TMTC2: variants seen among roughly 807,000 people sequenced by gnomAD.
The protein encoded by TMTC2 is protein O-mannosyl-transferase TMTC2.
In TMTC2, 43 loss-of-function variants were observed where a neutral mutation model predicts 82.4. The observed-to-expected ratio is 0.52, with a 90% CI of 0.41 to 0.67. TMTC2 has a LOEUF of 0.67. Among genes scored for constraint, TMTC2 ranks in the 30% least tolerant of loss-of-function variants. The pLI, the probability that TMTC2 is intolerant of heterozygous loss-of-function variation, is 0.00. For synonymous variants in TMTC2, 408 were observed against 381.9 expected, an observed-to-expected ratio of 1.07 and a Z score of -0.80; for missense variants, 919 against 1,012.4, an observed-to-expected ratio of 0.91 and a Z score of 1.25.
chr12:82,889,002 T>C (rs1873251848), intron 2 of TMTC2, among the ~76,000 whole-genome samples: 1 of 152,014 alleles, frequency 6.6e-6, no homozygotes, highest in Non-Finnish European at 1.5e-5. Flanking sequence ...GAACTGGCCA[T>C]GCACGGTGGC....
At chr12:82,797,763 C>A (rs926501450) in intron 1 of TMTC2, among the ~76,000 whole-genome samples, 2 of 151,820 alleles carry the variant, frequency 1.3e-5, no homozygotes, top group African/African-American at 4.8e-5. Context: ...GTAGACAGAA[C>A]CAGGACAGTA....
chr12:82,732,497 C>G (rs535567912), intron 1 of TMTC2, among the ~76,000 whole-genome samples: 1 of 152,242 alleles, frequency 6.6e-6, no homozygotes, highest in Non-Finnish European at 1.5e-5. Flanking sequence ...CACCCGCCAC[C>G]ACGCTTGGCT....
chr12:82,865,287 A>C (rs562570498), intron 2 of TMTC2, among the ~76,000 whole-genome samples: 2 of 152,248 alleles, frequency 1.3e-5, no homozygotes, highest in South Asian at 4.2e-4. Context: ...AGAGACACAC[A>C]TAGGCTCAGA....
chr12:82,935,680 G>A (rs1038317163), intron 4 of TMTC2, among the ~76,000 whole-genome samples: 1 of 152,072 alleles, frequency 6.6e-6, no homozygotes, highest in Admixed American at 6.5e-5. Flanking sequence ...TAATTCAATA[G>A]AGCATTAAAT....
intron 1 of TMTC2, among the ~76,000 whole-genome samples, chr12:82,821,730 C>G (rs868682673): frequency 1.3e-5 from 2 of 151,738 alleles, no homozygotes; most frequent in Admixed American, 6.6e-5. Context: ...AAAAATTAGC[C>G]GGGCACGGTA....
At chr12:83,002,782 A>ATTT (rs35975291) in intron 8 of TMTC2, among the ~76,000 whole-genome samples, 1 of 148,056 alleles carries the variant, frequency 6.8e-6, no homozygotes, top group African/African-American at 2.5e-5. Context: ...TAAGATTTTG[A>ATTT]TTTTTTTTTT....
chr12:82,841,798 G>A (rs970162103), intron 1 of TMTC2, among the ~76,000 whole-genome samples: 1 of 152,172 alleles, frequency 6.6e-6, no homozygotes, highest in Admixed American at 6.5e-5. Flanking sequence ...GAAATTATAG[G>A]TTAGCGTTTG....
At chr12:82,946,622 A>G (rs768505599) in intron 4 of TMTC2, among the ~76,000 whole-genome samples, 29 of 152,200 alleles carry the variant, frequency 1.9e-4, no homozygotes, top group Non-Finnish European at 5.9e-5. Flanking sequence ...CTATTCTGAT[A>G]ATAAGGAGGA....
chr12:83,108,104 C>T (rs1182988375), intron 11 of TMTC2, among the ~76,000 whole-genome samples: 1 of 152,106 alleles, frequency 6.6e-6, no homozygotes, highest in African/African-American at 2.4e-5. Context: ...CCCAGCCGTG[C>T]TTTTTATACA....
At chr12:82,794,224 G>A (rs572082322) in intron 1 of TMTC2, among the ~76,000 whole-genome samples, 17 of 152,114 alleles carry the variant, frequency 1.1e-4, no homozygotes, top group African/African-American at 3.9e-4. Flanking sequence ...CTCCTGGGGC[G>A]CCCTCCTCTC....
At chr12:83,005,360 T>G (rs1186836571) in intron 8 of TMTC2, among the ~76,000 whole-genome samples, 1 of 147,150 alleles carries the variant, frequency 6.8e-6, no homozygotes, top group Non-Finnish European at 1.5e-5. Context: ...GAGTAATGGC[T>G]GGCCGATTGG....
chr12:82,780,767 T>C (rs1191777814), intron 1 of TMTC2, among the ~76,000 whole-genome samples: 1 of 111,280 alleles, frequency 9.0e-6, no homozygotes, highest in Non-Finnish European at 1.9e-5. Context: ...AAAATGTCAA[T>C]TGTGTATTTA....
rs186440885 is a variant in TMTC2, at chr12:82,933,587, A to G, written c.1598+3042A>G. On this transcript the variant is annotated intron_variant, in intron 4 of 11. Transcript: ENST00000321196. Reference sequence around the variant, plus strand: ...ATACCCCTTTGAGATAATAGCATGCATTAATCACTTGTCCTATCATCAGTT... The same window carrying G: ...ATACCCCTTTGAGATAATAGCATGCGTTAATCACTTGTCCTATCATCAGTT... Among the ~76,000 whole-genome samples, 575 of 152,290 alleles carry G rather than the reference A, an allele frequency of 3.8e-3. 6 individuals carry two copies. Among genetic ancestry groups the G allele is most frequent in the African/African-American group, 0.013 (549 of 41,566 alleles).
At chr12:82,728,220 T>G (rs1874564156) in intron 1 of TMTC2, among the ~76,000 whole-genome samples, 1 of 151,914 alleles carries the variant, frequency 6.6e-6, no homozygotes, top group Non-Finnish European at 1.5e-5. Context: ...TTGTGAGAGC[T>G]TAGGTAATAG....
chr12:83,024,435 T>C (rs902329346), intron 8 of TMTC2, among the ~76,000 whole-genome samples: 1 of 152,188 alleles, frequency 6.6e-6, no homozygotes, highest in Non-Finnish European at 1.5e-5. Flanking sequence ...GTTATTGGTA[T>C]AGAGATAACA....
At chr12:82,863,541 A>G (rs1471213787) in intron 2 of TMTC2, among the ~76,000 whole-genome samples, 1 of 152,212 alleles carries the variant, frequency 6.6e-6, no homozygotes, top group African/African-American at 2.4e-5. Context: ...TTACGATTCA[A>G]AAAGTCAAAG....
At chr12:82,914,069 G>A (rs1874854366) in intron 3 of TMTC2, among the ~76,000 whole-genome samples, 1 of 152,156 alleles carries the variant, frequency 6.6e-6, no homozygotes, top group Non-Finnish European at 1.5e-5. Context: ...ATTCTTGTCT[G>A]CTTGTCCTGT....
At chr12:82,701,066 A>T (rs530815240) in intron 1 of TMTC2, among the ~76,000 whole-genome samples, 16 of 152,296 alleles carry the variant, frequency 1.1e-4, no homozygotes, top group African/African-American at 3.4e-4. Flanking sequence ...ATCTCCCATG[A>T]TAAGTGGGGA....
intron 10 of TMTC2, among the ~76,000 whole-genome samples, chr12:83,051,841 A>C (rs999646786): frequency 2.0e-5 from 3 of 152,292 alleles, no homozygotes; most frequent in East Asian, 1.9e-4. Context: ...CTAAAATATA[A>C]GGCCAGATTA....
Sources: allele counts gnomAD v4.1 joint callset (sites outside exome capture counted in the v4.1 genomes callset), GRCh38; gene constraint gnomAD v4.1.1; transcripts MANE v1.5; gene names NCBI Gene and HGNC (gene_info 2026-07-23, HGNC 2026-07-21).